Variants in SLC20A2 observed in about 807,000 individuals in gnomAD.
SLC20A2 encodes solute carrier family 20 member 2.
Under a neutral mutation model 61.0 loss-of-function variants are expected in SLC20A2, and 30 were observed. The ratio of observed to expected loss-of-function variants is 0.49; its 90% CI spans 0.37 to 0.67. The LOEUF (loss-of-function observed/expected upper bound fraction) is 0.67, where lower values mean the gene tolerates loss of function less well. SLC20A2 is among the 30% of genes least tolerant of loss of function. SLC20A2 has a pLI of 0.00. For missense variants in SLC20A2, 626 were observed against 866.4 expected (o/e 0.72, Z 3.48); for synonymous variants, 351 against 353.3 (o/e 0.99, Z 0.07).
chr8:42,473,208 C>G (rs1304511178), intron 1 of SLC20A2, among the ~76,000 whole-genome samples: 1 of 152,058 alleles, frequency 6.6e-6, no homozygotes, highest in Non-Finnish European at 1.5e-5. Context: ...GGAGGGTGAC[C>G]AAGGCAGGAA....
chr8:42,528,850 A>G (rs1812146663), intron 1 of SLC20A2, among the ~76,000 whole-genome samples: 1 of 152,002 alleles, frequency 6.6e-6, no homozygotes, highest in African/African-American at 2.4e-5. Flanking sequence ...TATTTTTAGT[A>G]GAAACGGGGT....
chr8:42,459,851 T>C (rs961597732), intron 5 of SLC20A2, 45 bp downstream of exon 5: 2 of 1,241,544 alleles, frequency 1.6e-6, no homozygotes, highest in Admixed American at 1.8e-5. Flanking sequence ...ACTGTTAGAA[T>C]ACAATGCACT....
intron 5 of SLC20A2, among the ~76,000 whole-genome samples, chr8:42,445,400 T>G (rs1805132714): frequency 6.6e-6 from 1 of 152,134 alleles, no homozygotes; most frequent in Non-Finnish European, 1.5e-5. Context: ...TTTCAATATC[T>G]AAATGGCTGC....
At chr8:42,470,216 A>ATT (rs556198459) in intron 2 of SLC20A2, among the ~76,000 whole-genome samples, 9 of 132,934 alleles carry the variant, frequency 6.8e-5, no homozygotes, top group African/African-American at 1.4e-4. Context: ...CTTGAACCTG[A>ATT]TTTTTTTTTT....
chr8:42,472,348 T>G lies in SLC20A2; in HGVS notation c.43A>C (p.Ile15Leu). ...EYLWMVILGF[I>L]IAFILAFSVG... The stretch of plus-strand genomic sequence containing the variant: ...GAAAAGGCCAAGATGAAAGCTATGA[T>G]GAAACCCAAAATGACCATCCACAAA... The change falls in exon 2 of 11, where the codon ATC (isoleucine) becomes CTC (leucine). Residue 15 changes from isoleucine to leucine, a missense_variant. Coordinates refer to ENST00000520262, the MANE Select transcript of SLC20A2 (RefSeq NM_001257180.2). The surrounding 1 kb of genome is among the most constrained non-coding windows in gnomAD (Gnocchi z 4.1). 6.2e-7 allele frequency: 1 copy of G among 1,614,192 alleles called. No homozygotes were observed.
chr8:42,512,218 T>A (rs1348385847), intron 1 of SLC20A2, among the ~76,000 whole-genome samples: 1 of 152,158 alleles, frequency 6.6e-6, no homozygotes, highest in East Asian at 1.9e-4. Flanking sequence ...ATCTGTTTTT[T>A]AAAAATGCTC....
At chr8:42,457,605 G>A (rs951853327) in intron 5 of SLC20A2, among the ~76,000 whole-genome samples, 1 of 152,026 alleles carries the variant, frequency 6.6e-6, no homozygotes, top group Non-Finnish European at 1.5e-5. Flanking sequence ...TCCTGCCTCA[G>A]CCTCCTGAGT....
chr8:42,459,602 T>C (rs1806541097), intron 5 of SLC20A2, among the ~76,000 whole-genome samples: 1 of 152,210 alleles, frequency 6.6e-6, no homozygotes, highest in Non-Finnish European at 1.5e-5. Context: ...GCTGCGTAAA[T>C]GGCAGAGTGG....
intron 5 of SLC20A2, among the ~76,000 whole-genome samples, chr8:42,449,024 C>T (rs1181540228): frequency 1.3e-5 from 2 of 152,234 alleles, no homozygotes; most frequent in Non-Finnish European, 2.9e-5. Context: ...AATCAATGCA[C>T]ACCCAAGGCA....
rs1483757971 is a variant in SLC20A2, at chr8:42,521,081, T to A, written c.-265+20740A>T. On this transcript the variant is annotated intron_variant, in intron 1 of 10. Coordinates refer to the SLC20A2 transcript ENST00000342228. ...AGCCTAATGTTCCATTTAAAAAAAATTTGATCTAGCAATCACACTCTTCAG... is the reference window on the plus strand; with the variant it reads ...AGCCTAATGTTCCATTTAAAAAAAAATTGATCTAGCAATCACACTCTTCAG... Among the ~76,000 whole-genome samples the A allele has an allele frequency of 4.9e-5, 6 of 121,740 alleles. 1 individual carries two copies. Among genetic ancestry groups the A allele is most frequent in the African/African-American group, 1.5e-4 (6 of 39,530 alleles). 79.9% of individuals were successfully genotyped at this position (121,740 alleles called of 152,430 possible).
Position 42,521,298 on chromosome 8 carries a change from A to G in SLC20A2, c.-265+20523T>C, listed in dbSNP as rs952041978. Among the ~76,000 whole-genome samples the G allele has an allele frequency of 1.6e-4, 19 of 121,674 alleles. 5 individuals carry two copies. In the South Asian group the frequency reaches 4.4e-3, roughly 28 times the overall value. 79.8% of individuals were successfully genotyped at this position (121,674 alleles called of 152,430 possible). ...ACAAACTGCTGATACTCAGGACTCA[A>G]TGCATACTCAATACTCAATGGATCT... is the stretch of plus-strand genomic sequence containing the variant. On this transcript the variant is annotated intron_variant, in intron 1 of 10. Transcript: ENST00000342228.
chr8:42,436,437 C>T (rs1164806809), intron 8 of SLC20A2, among the ~76,000 whole-genome samples: 1 of 152,200 alleles, frequency 6.6e-6, no homozygotes, highest in Non-Finnish European at 1.5e-5. Context: ...CTCTTTCCTT[C>T]TTCTCTCACA....
intron 1 of SLC20A2, among the ~76,000 whole-genome samples, chr8:42,507,958 G>A (rs1019210124): frequency 6.6e-6 from 1 of 151,380 alleles, no homozygotes. Context: ...TCAGGAGTTC[G>A]AGACCAGCCT....
rs552804777 is a variant in SLC20A2, at chr8:42,445,756, A to G, written c.614-994T>C. On this transcript the variant is annotated intron_variant, in intron 5 of 10. Coordinates refer to ENST00000520262, the MANE Select transcript of SLC20A2 (RefSeq NM_001257180.2). ...AAAGAAAAAGAAATAAAGAAAAAAA[A>G]AGAAAGGAGTCAGCTGTCTTCCATC... Among the ~76,000 whole-genome samples the G allele has an allele frequency of 1.1e-3, 166 of 152,054 alleles. 1 individual carries two copies. Among genetic ancestry groups the G allele is most frequent in the Non-Finnish European group, 2.1e-3 (140 of 67,976 alleles).
At chr8:42,500,613 C>G (rs1234984322) in intron 1 of SLC20A2, among the ~76,000 whole-genome samples, 4 of 152,200 alleles carry the variant, frequency 2.6e-5, no homozygotes, top group Non-Finnish European at 1.5e-5. Flanking sequence ...TCCATTATTT[C>G]TACAAAATAA....
At position 42,416,878 on chromosome 8, in the gene SLC20A2, C is replaced by A. The variant is rs1466633393; in HGVS notation, c.*925G>T. 2.0e-5 allele frequency: 3 copies of A among 152,828 alleles called. No individual in the cohort carries two copies. In the East Asian group the frequency reaches 5.8e-4, roughly 29 times the overall value. 9.5% of individuals were successfully genotyped at this position (152,828 alleles called of 1,614,324 possible). ...TTGACATGTAGTGCTCAGCCACACG[C>A]CCTCACCAACACCTGTGCATTCTCT... On this transcript the variant is annotated 3_prime_UTR_variant, in exon 11 of 11. Transcript: ENST00000520262.
chr8:42,464,092 C>CTTTTATTTTTTTTTTTT (rs1806934125), intron 3 of SLC20A2, among the ~76,000 whole-genome samples: 1 of 20,540 alleles, frequency 4.9e-5, no homozygotes, highest in Non-Finnish European at 1.0e-4. Context: ...GCTGGATGAT[C>CTTTTATTTTTTTTTTTT]TTTTTTTTTT....
intron 8 of SLC20A2, among the ~76,000 whole-genome samples, chr8:42,431,423 G>C (rs1220638854): frequency 6.6e-6 from 1 of 152,192 alleles, no homozygotes; most frequent in Non-Finnish European, 1.5e-5. Context: ...AAGAAAAGCT[G>C]GAAGCTAGCA....
chr8:42,490,461 G>A (rs1202252018), intron 1 of SLC20A2, among the ~76,000 whole-genome samples: 1 of 152,168 alleles, frequency 6.6e-6, no homozygotes, highest in Non-Finnish European at 1.5e-5. Flanking sequence ...GCCGGACATG[G>A]TGGCATGCAC....
Sources: gnomAD v4.1 joint callset for allele counts (sites outside exome capture counted in the v4.1 genomes callset) on GRCh38, gnomAD v4.1.1 for gene constraint, Gnocchi (gnomAD v3.1) non-coding constraint, MANE v1.5 for transcripts, NCBI Gene and HGNC (gene_info 2026-07-23, HGNC 2026-07-21) for gene names.